SH3RF2: variants seen among roughly 807,000 people sequenced by gnomAD.
The protein encoded by SH3RF2 is SH3 domain containing ring finger 2, also known as E3 ubiquitin-protein ligase SH3RF2.
SH3RF2 carries 43 observed loss-of-function variants against 59.0 expected under a neutral mutation model. That is an observed-to-expected ratio of 0.73 (90% CI 0.57 to 0.94). SH3RF2 has a LOEUF of 0.94. Among genes scored for constraint, SH3RF2 ranks in the 40% least tolerant of loss-of-function variants. The pLI is 0.00. For synonymous variants in SH3RF2, 391 were observed against 391.5 expected (o/e 1.00, Z 0.01); for missense variants, 930 against 940.1 (o/e 0.99, Z 0.14).
rs142416017 is a variant in SH3RF2, at chr5:145,960,281, C to G, written c.378+21975C>G. Among the ~76,000 whole-genome samples the G allele has an allele frequency of 4.4e-3, 670 of 152,220 alleles. 3 individuals are homozygous for G. Among genetic ancestry groups the G allele is most frequent in the African/African-American group, 0.014 (594 of 41,522 alleles). On this transcript the variant is annotated intron_variant, in intron 2 of 9. Coordinates refer to ENST00000359120, the MANE Select transcript of SH3RF2 (RefSeq NM_152550.4). ...CCTAAACTTATAAGCTGGATGAATT[C>G]CCAAACATGGAAAAGGGATTCAGAT...
intron 2 of SH3RF2, among the ~76,000 whole-genome samples, chr5:145,939,122 T>C (rs1445151656): frequency 1.3e-5 from 2 of 152,182 alleles, no homozygotes; most frequent in Non-Finnish European, 2.9e-5. Flanking sequence ...AACCTTGTTG[T>C]GGGATAATGT....
intron 2 of SH3RF2, among the ~76,000 whole-genome samples, chr5:145,968,344 C>T (rs575163900): frequency 4.5e-4 from 68 of 152,178 alleles, no homozygotes; most frequent in African/African-American, 8.2e-4. Context: ...TATATCTCTA[C>T]GGCAGAATAT....
intron 2 of SH3RF2, among the ~76,000 whole-genome samples, chr5:145,988,385 G>C (rs1047674080): frequency 6.6e-6 from 1 of 151,742 alleles, no homozygotes; most frequent in Non-Finnish European, 1.5e-5. Flanking sequence ...GGACTTAGAG[G>C]TTATCTCCCA....
At chr5:145,965,259 T>C (rs954311415) in intron 2 of SH3RF2, among the ~76,000 whole-genome samples, 5 of 152,196 alleles carry the variant, frequency 3.3e-5, no homozygotes, top group African/African-American at 1.2e-4. Flanking sequence ...TGCAATTTTT[T>C]GTTTTTTCTC....
At chr5:145,958,565 A>G (rs1476505431) in intron 2 of SH3RF2, among the ~76,000 whole-genome samples, 1 of 152,220 alleles carries the variant, frequency 6.6e-6, no homozygotes, top group Non-Finnish European at 1.5e-5. Flanking sequence ...AAGGAATCAT[A>G]AAACATAGGT....
At chr5:146,031,285 G>A (rs1436708454) in intron 5 of SH3RF2, among the ~76,000 whole-genome samples, 1 of 152,216 alleles carries the variant, frequency 6.6e-6, no homozygotes, top group South Asian at 2.1e-4. Flanking sequence ...ATGTCCCCCT[G>A]CTCCCTCCAG....
In SH3RF2 at chr5:145,959,666, CAT is replaced by C. The variant is rs112801991; in HGVS notation, c.378+21375_378+21376del. 2.8e-4 allele frequency among the ~76,000 whole-genome samples: 40 copies of C among 142,040 alleles called. No homozygotes were observed. In the East Asian group the frequency reaches 4.5e-3, roughly 16 times the overall value. The allele number at this position is 142,040 out of a possible 152,430, so 93.2% of individuals were successfully genotyped here. A position where few individuals can be genotyped will look rare whatever the true frequency, so the allele number is the denominator to read the frequency against. The stretch of plus-strand genomic sequence containing the variant: ...GTGTGTGTATGTGTGTGTGTGTATA[CAT>C]ATATATATATATATCAGCAGAGGCA... On this transcript the variant is annotated intron_variant, in intron 2 of 9. Coordinates refer to ENST00000359120, the MANE Select transcript of SH3RF2 (RefSeq NM_152550.4).
At chr5:145,991,992 T>TAGGA (rs1759952177) in intron 2 of SH3RF2, among the ~76,000 whole-genome samples, 1 of 152,180 alleles carries the variant, frequency 6.6e-6, no homozygotes, top group Non-Finnish European at 1.5e-5. Flanking sequence ...TCCAGGAGAT[T>TAGGA]CTGATCAAAT....
intron 2 of SH3RF2, among the ~76,000 whole-genome samples, chr5:145,999,517 T>A (rs1170103265): frequency 6.6e-6 from 1 of 152,204 alleles, no homozygotes; most frequent in African/African-American, 2.4e-5. Context: ...TAGCTTTTGA[T>A]TTAAAGTGAG....
intron 7 of SH3RF2, among the ~76,000 whole-genome samples, chr5:146,052,929 C>T (rs1762548336): frequency 6.6e-6 from 1 of 152,130 alleles, no homozygotes; most frequent in African/African-American, 2.4e-5. Flanking sequence ...GGTCCTTTTC[C>T]CCCTAGCCTT....
chr5:146,004,157 CGTGA>C lies in SH3RF2; in HGVS notation c.744+7_744+10del. On this transcript the variant is annotated splice_donor_5th_base_variant and intron_variant, in intron 4 of 9. Transcript: ENST00000359120. ...CTTCCCTATCTTGTTTGTAGAGGTA[CGTGA>C]GTATCAAGTCTACATCTGATTTACG... 1 of 1,607,602 alleles carries C rather than the reference CGTGA, an allele frequency of 6.2e-7. No homozygotes were observed. Among genetic ancestry groups the C allele is most frequent in the Non-Finnish European group, 8.5e-7 (1 of 1,175,078 alleles).
chr5:146,058,704 C>A (rs1762770150), intron 8 of SH3RF2, among the ~76,000 whole-genome samples: 1 of 151,912 alleles, frequency 6.6e-6, no homozygotes, highest in African/African-American at 2.4e-5. Context: ...GAGAAATGGC[C>A]CAGTGTGTTT....
chr5:146,014,842 G>A (rs941466256), intron 5 of SH3RF2, among the ~76,000 whole-genome samples: 5 of 152,170 alleles, frequency 3.3e-5, no homozygotes, highest in East Asian at 1.9e-4. Context: ...AACTGAAGAC[G>A]CGTAGGGGTG....
At chr5:146,008,351 C>T (rs768943950) in intron 4 of SH3RF2, among the ~76,000 whole-genome samples, 18 of 152,200 alleles carry the variant, frequency 1.2e-4, no homozygotes, top group Non-Finnish European at 2.9e-5. Context: ...CGGTGGTACT[C>T]ACCTGGGGAC....
At chr5:145,991,781 A>G (rs1561727695) in intron 2 of SH3RF2, among the ~76,000 whole-genome samples, 1 of 152,238 alleles carries the variant, frequency 6.6e-6, no homozygotes, top group African/African-American at 2.4e-5. Flanking sequence ...AGTCATTAAA[A>G]TATGTAAGCT....
rs1762934979 is a variant in SH3RF2 at position 146,062,517 on chromosome 5, C to T, written c.2006C>T (p.Ala669Val). Residue 669 changes from alanine to valine, a missense_variant, in exon 10 of 10, where the codon GCC becomes GTC. By Grantham distance (64) the Ala-to-Val change is moderately conservative. Transcript: ENST00000359120. ...ACCTCCGGAAAGCCTGAACAGCCAG[C>T]CACCCTCAAGGCGTCCCAGCCTGAA... is the stretch of plus-strand genomic sequence containing the variant. The part of the protein sequence containing the change: ...HPTSGKPEQP[A>V]TLKASQPEAA... 3 of 1,614,216 alleles carry T rather than the reference C, an allele frequency of 1.9e-6. No homozygotes were observed. Among genetic ancestry groups the T allele is most frequent in the Non-Finnish European group, 2.5e-6 (3 of 1,180,044 alleles).
At chr5:145,946,094 T>G (rs1757996544) in intron 2 of SH3RF2, among the ~76,000 whole-genome samples, 1 of 152,246 alleles carries the variant, frequency 6.6e-6, no homozygotes, top group Non-Finnish European at 1.5e-5. Flanking sequence ...TTCCTGCATC[T>G]GGGGCCTGTG....
At position 146,013,921 on chromosome 5, in the gene SH3RF2, A is replaced by G. The variant is rs1396934248; in HGVS notation, c.919A>G (p.Thr307Ala). Residue 307 changes from threonine (T) to alanine (A), a missense_variant, in exon 5 of 10, where the codon ACT becomes GCT. Physicochemically the swap from Thr to Ala is moderately conservative, Grantham distance 58. Coordinates refer to ENST00000359120, the MANE Select transcript of SH3RF2 (RefSeq NM_152550.4). ...GQFSITTALN[T>A]LNRMVHSPSG... ...GTTTTCCATCACAACAGCCTTGAAC[A>G]CTCTCAACCGGATGGTCCATTCTCC... 1.2e-6 allele frequency: 2 copies of G among 1,613,904 alleles called. No individual in the cohort carries two copies. Among genetic ancestry groups the G allele is most frequent in the African/African-American group, 2.7e-5 (2 of 74,948 alleles).
intron 2 of SH3RF2, 141 bp downstream of exon 2, chr5:145,938,447 A>G: frequency 2.9e-6 from 3 of 1,020,312 alleles, no homozygotes; most frequent in Non-Finnish European, 4.0e-6. Flanking sequence ...GTGGGCAGTG[A>G]TCATTTTACT....
Sources: allele counts gnomAD v4.1 joint callset (sites outside exome capture counted in the v4.1 genomes callset), GRCh38; gene constraint gnomAD v4.1.1; transcripts MANE v1.5; gene names NCBI Gene and HGNC (gene_info 2026-07-23, HGNC 2026-07-21).